PPP1R42: variants seen among roughly 807,000 people sequenced by gnomAD.
The protein encoded by PPP1R42 is protein phosphatase 1 regulatory subunit 42.
A neutral mutation model predicts 31.0 loss-of-function variants in PPP1R42; 34 were observed. The ratio of observed to expected loss-of-function variants is 1.10; its 90% CI spans 0.83 to 1.46. The LOEUF is 1.46. Among genes scored for constraint, PPP1R42 ranks in the 40% most tolerant of loss-of-function variants. PPP1R42 has a pLI of 0.00. For synonymous variants in PPP1R42, 103 were observed against 109.8 expected (o/e 0.94, Z 0.39); for missense variants, 268 against 303.0 (o/e 0.88, Z 0.86).
At chr8:67,020,699 A>C (rs1816187506) in intron 1 of PPP1R42, among the ~76,000 whole-genome samples, 1 of 152,252 alleles carries the variant, frequency 6.6e-6, no homozygotes, top group Admixed American at 6.5e-5. Flanking sequence ...AGGTCAATAA[A>C]CATTTGCTAT....
intron 4 of PPP1R42, 191 bp downstream of exon 4, chr8:67,012,767 C>T: frequency 2.3e-6 from 1 of 427,636 alleles, no homozygotes; most frequent in East Asian, 3.6e-5. Context: ...TTTTATTATC[C>T]CACTTTATAA....
chr8:67,000,274 G>A (rs1430694382), intron 5 of PPP1R42, among the ~76,000 whole-genome samples: 1 of 151,362 alleles, frequency 6.6e-6, no homozygotes, highest in African/African-American at 2.4e-5. Context: ...CCTCATTCTT[G>A]TTGTCATTTT....
chr8:67,017,508 G>A, intron 2 of PPP1R42, 111 bp downstream of exon 2: 1 of 556,778 alleles, frequency 1.8e-6, no homozygotes, highest in Non-Finnish European at 2.7e-6. Flanking sequence ...AAAAAAAAAA[G>A]TTAATAAGAA....
chr8:66,971,322 A>G (rs533447606), intron 7 of PPP1R42, among the ~76,000 whole-genome samples: 93 of 152,352 alleles, frequency 6.1e-4, no homozygotes, highest in African/African-American at 2.0e-3. Context: ...ACAAAAACCT[A>G]TACAGGAAAG....
chr8:66,971,479 T>A (rs941523343), intron 7 of PPP1R42, among the ~76,000 whole-genome samples: 18 of 152,218 alleles, frequency 1.2e-4, no homozygotes, highest in African/African-American at 4.3e-4. Context: ...TTTGGGGATA[T>A]GTCCATACCT....
At chr8:66,986,229 C>A in intron 6 of PPP1R42, 1 of 536,100 alleles carries the variant, frequency 1.9e-6, no homozygotes, top group South Asian at 1.7e-5. Context: ...CGTGAGCCAC[C>A]GCGCCCTGCC....
At chr8:67,021,958 TTC>T (rs151304441) in intron 1 of PPP1R42, among the ~76,000 whole-genome samples, 4,977 of 151,876 alleles carry the variant, frequency 0.033, 160 homozygotes, top group African/African-American at 0.072. Context: ...CTTTGAGTAT[TTC>T]TTTTTTTTCA....
intron 5 of PPP1R42, among the ~76,000 whole-genome samples, chr8:66,991,078 A>G (rs559295890): frequency 1.1e-4 from 17 of 152,330 alleles, no homozygotes; most frequent in Non-Finnish European, 2.2e-4. Flanking sequence ...CAGAAAACCA[A>G]TGAAGTAAAT....
intron 1 of PPP1R42, among the ~76,000 whole-genome samples, chr8:67,018,846 T>G (rs1816110648): frequency 8.7e-6 from 1 of 115,028 alleles, no homozygotes; most frequent in South Asian, 3.4e-4. Flanking sequence ...TTTTTTTTTT[T>G]AGGGACGGAG....
At chr8:66,971,206 A>G in intron 7 of PPP1R42, 1 of 1,177,406 alleles carries the variant, frequency 8.5e-7, no homozygotes, top group Non-Finnish European at 1.1e-6. Context: ...TAAAAAGGGT[A>G]TAACAATATT....
intron 7 of PPP1R42, among the ~76,000 whole-genome samples, chr8:66,981,015 G>A (rs775229351): frequency 1.7e-4 from 26 of 151,736 alleles, no homozygotes; most frequent in Non-Finnish European, 1.9e-4. Context: ...GCTAATTTTT[G>A]TATTTTTGTA....
intron 6 of PPP1R42, chr8:66,986,103 C>A: frequency 1.4e-6 from 1 of 711,400 alleles, no homozygotes; most frequent in South Asian, 1.4e-5. Flanking sequence ...CTTGTCCATG[C>A]TCTTCCCTAC....
At chr8:66,977,653 G>T (rs988180945) in intron 7 of PPP1R42, among the ~76,000 whole-genome samples, 1 of 151,866 alleles carries the variant, frequency 6.6e-6, no homozygotes, top group African/African-American at 2.4e-5. Context: ...CTACAGGTGT[G>T]CACCACCATG....
Position 66,988,501 on chromosome 8 carries a change from A to C in PPP1R42, c.569T>G (p.Leu190Arg), listed in dbSNP as rs1321419710. Residue 190 changes from leucine to arginine, a missense_variant, in exon 6 of 8, where the codon CTG (leucine) becomes CGG (arginine). Leu to Arg is a moderately radical substitution (Grantham distance 102). Coordinates refer to ENST00000685739, the MANE Select transcript of PPP1R42 (RefSeq NM_001364910.1). Reference protein sequence around the residue: ...LLHVKDLEFLLNKLMKLWKID... With the variant: ...LLHVKDLEFLRNKLMKLWKID... ...TTTCCACAGCTTCATCAACTTGTTC[A>C]GTAAAAACTCCAAATCCTATAATTA... The C allele has an allele frequency of 5.6e-6, 9 of 1,605,676 alleles. No homozygotes were observed. Among genetic ancestry groups the C allele is most frequent in the Non-Finnish European group, 7.6e-6 (9 of 1,177,534 alleles).
intron 5 of PPP1R42, among the ~76,000 whole-genome samples, chr8:67,005,889 A>C (rs909993489): frequency 1.3e-5 from 2 of 152,154 alleles, no homozygotes; most frequent in Admixed American, 6.6e-5. Context: ...AGGGAAGAAA[A>C]AGAAAACAAT....
chr8:66,998,376 T>G (rs1425401977), intron 5 of PPP1R42, among the ~76,000 whole-genome samples: 2 of 152,254 alleles, frequency 1.3e-5, no homozygotes. Flanking sequence ...GAAACACAGT[T>G]ACGTTTAACA....
At chr8:67,007,267 AAT>A (rs1003783276) in intron 5 of PPP1R42, among the ~76,000 whole-genome samples, 3 of 152,186 alleles carry the variant, frequency 2.0e-5, no homozygotes, top group Non-Finnish European at 2.9e-5. Flanking sequence ...TGGCACATGT[AAT>A]ATATTATAGT....
chr8:67,028,155 G>A (rs189374237), intron 1 of PPP1R42, among the ~76,000 whole-genome samples: 23 of 152,206 alleles, frequency 1.5e-4, no homozygotes, highest in Non-Finnish European at 3.1e-4. Flanking sequence ...GTGGCTTCCA[G>A]ATGCTCTAAA....
chr8:67,028,538 C>G lies in PPP1R42; in HGVS notation c.-132G>C. The G allele has an allele frequency of 6.1e-6, 6 of 985,516 alleles. No individual in the cohort carries two copies. Among genetic ancestry groups the G allele is most frequent in the Non-Finnish European group, 7.2e-6 (6 of 829,968 alleles). The allele number at this position is 985,516 out of a possible 1,614,324, so 61.0% of individuals were successfully genotyped here. On this transcript the variant is annotated 5_prime_UTR_variant, in exon 1 of 8. Coordinates refer to ENST00000685739, the MANE Select transcript of PPP1R42 (RefSeq NM_001364910.1). ...CTAACTCCAGTTTGGTCGGTTTCAT[C>G]GGCGCCGGGTCCCTACGCAGACCAG... is the stretch of plus-strand genomic sequence containing the variant.
Sources: allele counts gnomAD v4.1 joint callset (sites outside exome capture counted in the v4.1 genomes callset), GRCh38; gene constraint gnomAD v4.1.1; transcripts MANE v1.5; gene names NCBI Gene and HGNC (gene_info 2026-07-23, HGNC 2026-07-21).